Variants in SEPTIN7 observed in about 807,000 individuals in gnomAD.
SEPTIN7 encodes the protein septin-7.
Under a neutral mutation model 63.3 loss-of-function variants are expected in SEPTIN7, and 10 were observed. That is an observed-to-expected ratio of 0.16 (90% CI 0.10 to 0.27). The LOEUF is 0.27. Among genes scored for constraint, SEPTIN7 ranks in the 10% least tolerant of loss-of-function variants. The pLI, the probability that SEPTIN7 is intolerant of heterozygous loss-of-function variation, is 1.00. For missense variants in SEPTIN7, 310 were observed against 521.0 expected (o/e 0.59, Z 3.94); for synonymous variants, 131 against 165.3 (o/e 0.79, Z 1.59).
chr7:35,882,660 C>T, intron 8 of SEPTIN7, 84 bp downstream of exon 8: 1 of 1,184,876 alleles, frequency 8.4e-7, no homozygotes, highest in Non-Finnish European at 1.1e-6. Flanking sequence ...TCAAAAGTAT[C>T]AGTGTTTTAA....
intron 3 of SEPTIN7, among the ~76,000 whole-genome samples, chr7:35,842,940 ATGTG>A (rs930792898): frequency 9.2e-5 from 14 of 152,072 alleles, no homozygotes; most frequent in Non-Finnish European, 2.1e-4. Flanking sequence ...TTATATATAT[ATGTG>A]TGTGTGTATG....
At chr7:35,838,031 C>G (rs75461575) in intron 3 of SEPTIN7, among the ~76,000 whole-genome samples, 300 of 151,924 alleles carry the variant, frequency 2.0e-3, no homozygotes, top group Middle Eastern at 6.8e-3. Context: ...ACCTGGCCGT[C>G]GCAAGTTATT....
At chr7:35,913,959 C>T in the SEPTIN7 span, among the ~76,000 whole-genome samples, 1 of 152,160 alleles carries the variant, frequency 6.6e-6, no homozygotes, top group African/African-American at 2.4e-5. Flanking sequence ...TCAAGCAGCT[C>T]ACCAGCTGGG....
chr7:35,845,762 C>T (rs1784627935), intron 3 of SEPTIN7, among the ~76,000 whole-genome samples: 2 of 152,032 alleles, frequency 1.3e-5, no homozygotes, highest in South Asian at 2.1e-4. Flanking sequence ...TCTTGTTTTC[C>T]CTGGACTGTG....
intron 11 of SEPTIN7, among the ~76,000 whole-genome samples, chr7:35,893,760 T>C (rs56360513): frequency 0.041 from 6,164 of 152,170 alleles, 187 homozygotes; most frequent in Middle Eastern, 0.078. Context: ...GTTACGTCAA[T>C]AGCCCTAGAA....
At chr7:35,810,449 G>C (rs539676053) in intron 1 of SEPTIN7, among the ~76,000 whole-genome samples, 1 of 151,136 alleles carries the variant, frequency 6.6e-6, no homozygotes, top group South Asian at 2.1e-4. Context: ...TCAGCCTCCC[G>C]AGTAGCTGGG....
At chr7:35,872,804 T>C in intron 5 of SEPTIN7, 38 bp downstream of exon 5, 1 of 1,322,130 alleles carries the variant, frequency 7.6e-7, no homozygotes, top group Non-Finnish European at 1.1e-6. Flanking sequence ...GCAGTGCATT[T>C]GGGGTACTGG....
At chr7:35,848,038 TTTAC>T (rs1784773296) in intron 3 of SEPTIN7, 1 of 152,188 alleles carries the variant, frequency 6.6e-6, no homozygotes, top group Non-Finnish European at 1.5e-5. Flanking sequence ...ATATTTCTCC[TTTAC>T]TTACACTCCA....
chr7:35,837,160 C>T (rs1261827820), intron 3 of SEPTIN7, among the ~76,000 whole-genome samples: 3 of 152,144 alleles, frequency 2.0e-5, no homozygotes, highest in Non-Finnish European at 4.4e-5. Flanking sequence ...TAATATATTT[C>T]ATTGCAGAAA....
intron 3 of SEPTIN7, among the ~76,000 whole-genome samples, chr7:35,842,160 T>C (rs1784437376): frequency 6.6e-6 from 1 of 152,190 alleles, no homozygotes. Context: ...TATTACATTT[T>C]TTAATACACA....
intron 2 of SEPTIN7, chr7:35,832,052 CTTAT>C (rs1214988089): frequency 2.2e-6 from 1 of 451,522 alleles, no homozygotes; most frequent in Non-Finnish European, 4.4e-6. Context: ...AGAAGTCAGA[CTTAT>C]TTACTACACC....
chr7:35,801,579 G>A (rs1787977255), intron 1 of SEPTIN7, among the ~76,000 whole-genome samples: 1 of 152,068 alleles, frequency 6.6e-6, no homozygotes, highest in Admixed American at 6.5e-5. Flanking sequence ...GAGCGTGGTG[G>A]TCTCAGCCCT....
rs148369403 is a variant in SEPTIN7, at chr7:35,904,290, T to C, written c.1311T>C (p.Phe437=). ...AGAACAAGAAGAAAGGGAAGATCTTTTAAACTCTCTATTGACCACCAGTTA... is the reference window on the plus strand; with the variant it reads ...AGAACAAGAAGAAAGGGAAGATCTTCTAAACTCTCTATTGACCACCAGTTA... ...LEKNKKKGKI[F] Residue 437 remains phenylalanine (F), a synonymous_variant, in exon 14 of 14, where the codon TTT becomes TTC. Transcript: ENST00000350320. 1.2e-4 allele frequency: 189 copies of C among 1,562,470 alleles called. No homozygotes were observed. In the African/African-American group the frequency reaches 2.1e-3, roughly 17 times the overall value.
chr7:35,881,466 C>T lies in SEPTIN7; in HGVS notation c.631-1018C>T, dbSNP rs554828933. Among the ~76,000 whole-genome samples, 120 of 150,942 alleles carry T rather than the reference C, an allele frequency of 8.0e-4. 1 individual carries two copies. The Middle Eastern group carries it at 0.014, about 17-fold the overall frequency. ...GCTAGCTACTATTACTCATTTTTCT[C>T]GTCATCATGTATTTGTCAATTCCTT... On this transcript the variant is annotated intron_variant, in intron 7 of 13. Coordinates refer to ENST00000350320, the MANE Select transcript of SEPTIN7 (RefSeq NM_001788.6).
chr7:35,816,939 C>G (rs964405322), intron 1 of SEPTIN7, among the ~76,000 whole-genome samples: 4 of 150,898 alleles, frequency 2.7e-5, no homozygotes, highest in African/African-American at 9.7e-5. Flanking sequence ...TGTAAGAATT[C>G]TTCATAGATT....
chr7:35,904,295 C>G lies in SEPTIN7; in HGVS notation c.*2C>G. 1 of 1,560,558 alleles carries G rather than the reference C, an allele frequency of 6.4e-7. No individual in the cohort carries two copies. Among genetic ancestry groups the G allele is most frequent in the Non-Finnish European group, 8.7e-7 (1 of 1,152,340 alleles). The stretch of plus-strand genomic sequence containing the variant: ...AAGAAGAAAGGGAAGATCTTTTAAA[C>G]TCTCTATTGACCACCAGTTAACGTA... On this transcript the variant is annotated 3_prime_UTR_variant, in exon 14 of 14. Transcript: ENST00000350320.
intron 1 of SEPTIN7, among the ~76,000 whole-genome samples, chr7:35,814,300 T>C (rs1348803137): frequency 6.6e-6 from 1 of 152,196 alleles, no homozygotes; most frequent in Non-Finnish European, 1.5e-5. Flanking sequence ...GGTCACTGCT[T>C]TTAATTTTAC....
chr7:35,849,959 C>G (rs1313873120), intron 3 of SEPTIN7, among the ~76,000 whole-genome samples: 1 of 152,190 alleles, frequency 6.6e-6, no homozygotes, highest in Non-Finnish European at 1.5e-5. Flanking sequence ...TTAATGTAAT[C>G]TGGCATATTG....
chr7:35,898,516 G>A lies in SEPTIN7; in HGVS notation c.1134+133G>A, dbSNP rs536454961. The A allele has an allele frequency of 4.8e-5, 27 of 560,012 alleles. No homozygotes were observed. The South Asian group carries it at 5.4e-4, about 11-fold the overall frequency. 34.7% of individuals were successfully genotyped at this position (560,012 alleles called of 1,614,324 possible). On this transcript the variant is annotated intron_variant, in intron 12 of 13. Transcript: ENST00000350320. Reference sequence around the variant, plus strand: ...AATTAATACCCTAGTGTAACAAAACGGATAAATTTCTAGAAGCAAGCACCG... The same window carrying A: ...AATTAATACCCTAGTGTAACAAAACAGATAAATTTCTAGAAGCAAGCACCG...
Sources: gnomAD v4.1 joint callset for allele counts (sites outside exome capture counted in the v4.1 genomes callset) on GRCh38, gnomAD v4.1.1 for gene constraint, MANE v1.5 for transcripts, NCBI Gene and HGNC (gene_info 2026-07-23, HGNC 2026-07-21) for gene names.